The following LIMS1 variants were observed in gnomAD, a reference collection of about 807,000 sequenced individuals.
LIMS1 encodes the protein LIM and senescent cell antigen-like-containing domain protein 1.
A neutral mutation model predicts 44.1 loss-of-function variants in LIMS1; 18 were observed. That is an observed-to-expected ratio of 0.41 (90% CI 0.28 to 0.61). The LOEUF (loss-of-function observed/expected upper bound fraction) is 0.61, where lower values mean the gene tolerates loss of function less well. Ranked by LOEUF, LIMS1 falls within the 20% of genes least tolerant of loss-of-function variation. The pLI is 0.32. For synonymous variants in LIMS1, 93 were observed against 149.1 expected, an observed-to-expected ratio of 0.62 and a Z score of 2.74; for missense variants, 201 against 422.0, an observed-to-expected ratio of 0.48 and a Z score of 4.59.
chr2:108,545,206 C>A (rs915011355), intron 1 of LIMS1, among the ~76,000 whole-genome samples: 3 of 152,048 alleles, frequency 2.0e-5, no homozygotes, highest in African/African-American at 7.2e-5. Context: ...AATTTCCTGC[C>A]ATCTGGATTT....
intron 1 of LIMS1, among the ~76,000 whole-genome samples, chr2:108,564,746 C>T (rs562392178): frequency 4.0e-5 from 6 of 151,214 alleles, no homozygotes; most frequent in East Asian, 1.9e-4. Context: ...ATGGAAGGTA[C>T]GTAAGATTGC....
At chr2:108,687,082 C>T (rs1693350573) in exon 10 of LIMS1, 1 of 152,122 alleles carries the variant, frequency 6.6e-6, no homozygotes, top group Admixed American at 6.5e-5. Flanking sequence ...GCCAAAGTAG[C>T]CATTTCTAAG....
rs1692942208 is a variant in LIMS1, at chr2:108,680,832, A to G, written c.899+62A>G. 1.9e-6 allele frequency: 3 copies of G among 1,589,044 alleles called. No individual in the cohort carries two copies. In the East Asian group the frequency reaches 6.7e-5, roughly 36 times the overall value. On this transcript the variant is annotated intron_variant, in intron 9 of 9. Transcript: ENST00000544547. ...CTGAAAACTTTGGGGAGACACTTAA[A>G]AAAAATCCTAGAATTTAGAAAAAGA...
At chr2:108,534,636 AGCTCCCGGCGGGCCTTCGGGCCGGGCC>A (rs1317725989) in intron 1 of LIMS1, 42 bp downstream of exon 1, 3 of 1,076,698 alleles carry the variant, frequency 2.8e-6, no homozygotes, top group Non-Finnish European at 3.4e-6. Flanking sequence ...TCCGCCCCGC[AGCTCCCGGCGGGCCTTCGGGCCGGGCC>A]GGGCCGGGCC....
At chr2:108,575,936 G>T (rs1414295017) in intron 1 of LIMS1, among the ~76,000 whole-genome samples, 2 of 152,084 alleles carry the variant, frequency 1.3e-5, no homozygotes, top group Non-Finnish European at 2.9e-5. Context: ...ATATTAATAG[G>T]CACGTGTGCT....
intron 1 of LIMS1, among the ~76,000 whole-genome samples, chr2:108,581,569 C>A (rs1261268474): frequency 6.6e-6 from 1 of 152,036 alleles, no homozygotes. Context: ...TCAGAAAGGC[C>A]CCCAGAGCTT....
In LIMS1 at chr2:108,678,135, A is replaced by G. The variant is rs189807540; in HGVS notation, c.823+108A>G. Reference sequence around the variant, plus strand: ...TATGGTTTGAAATGTGATCGTTATCAGTTACTTTTTCTCTATCTTTGGCGT... The same window carrying G: ...TATGGTTTGAAATGTGATCGTTATCGGTTACTTTTTCTCTATCTTTGGCGT... On this transcript the variant is annotated intron_variant, in intron 8 of 9. Transcript: ENST00000544547. 58 of 1,517,874 alleles carry G rather than the reference A, an allele frequency of 3.8e-5. No individual in the cohort carries two copies. In the East Asian group the frequency reaches 1.1e-3, roughly 30 times the overall value. The allele number at this position is 1,517,874 out of a possible 1,614,324, so 94.0% of individuals were successfully genotyped here.
chr2:108,557,821 T>A (rs1361448620), intron 1 of LIMS1, among the ~76,000 whole-genome samples: 2 of 152,226 alleles, frequency 1.3e-5, no homozygotes, highest in African/African-American at 4.8e-5. Flanking sequence ...CAGTTGGAAT[T>A]TTCTGTAAAG....
chr2:108,675,680 A>G (rs531401237), intron 5 of LIMS1, among the ~76,000 whole-genome samples, 198 bp from the exon 6 acceptor site: 1 of 152,342 alleles, frequency 6.6e-6, no homozygotes, highest in East Asian at 1.9e-4. Flanking sequence ...CTTTTAAGAT[A>G]CAGATGTTTT....
chr2:108,663,449 G>A (rs1054935691), intron 2 of LIMS1, among the ~76,000 whole-genome samples: 1 of 152,160 alleles, frequency 6.6e-6, no homozygotes, highest in Non-Finnish European at 1.5e-5. Flanking sequence ...GTGACATCCA[G>A]CATTATCTCC....
chr2:108,597,693 C>T (rs1354896941), intron 1 of LIMS1, among the ~76,000 whole-genome samples: 13 of 108,510 alleles, frequency 1.2e-4, no homozygotes, highest in South Asian at 3.4e-4. Context: ...AGCAAAAATG[C>T]TTTTTTTTTT....
intron 1 of LIMS1, among the ~76,000 whole-genome samples, chr2:108,648,345 G>T (rs1209731865): frequency 6.6e-6 from 1 of 152,164 alleles, no homozygotes; most frequent in Non-Finnish European, 1.5e-5. Context: ...AATATTCCAT[G>T]CTCATGGATA....
chr2:108,683,909 G>C (rs1245735040), exon 10 of LIMS1: 2 of 1,590,680 alleles, frequency 1.3e-6, no homozygotes, highest in Non-Finnish European at 1.7e-6. Context: ...AGTTTGACAT[G>C]AAGCCAGTCT....
chr2:108,549,453 C>A (rs1684612018), intron 1 of LIMS1, among the ~76,000 whole-genome samples: 1 of 151,510 alleles, frequency 6.6e-6, no homozygotes. Context: ...TACCACCATG[C>A]CCAGCTAATT....
In LIMS1 at chr2:108,650,549, C is replaced by T. The variant is rs190015709; in HGVS notation, c.33-9056C>T. The stretch of plus-strand genomic sequence containing the variant: ...TCTCCTGCCTCAGCCTCCTGAGCAG[C>T]TGGGATTACACGTGCCCACCACCAC... On this transcript the variant is annotated intron_variant, in intron 1 of 9. Transcript: ENST00000544547. Among the ~76,000 whole-genome samples, 223 of 152,244 alleles carry T rather than the reference C, an allele frequency of 1.5e-3. 1 individual carries two copies. Among genetic ancestry groups the T allele is most frequent in the Admixed American group, 4.1e-3 (63 of 15,290 alleles).
chr2:108,672,215 G>A lies in LIMS1; in HGVS notation c.260-110G>A, dbSNP rs866787330. The A allele has an allele frequency of 3.1e-5, 34 of 1,097,314 alleles. 2 individuals are homozygous for A. The highest frequency in any genetic ancestry group is 1.5e-4 in the East Asian group (3 of 19,380). 68.0% of individuals were successfully genotyped at this position (1,097,314 alleles called of 1,614,324 possible). A position where few individuals can be genotyped will look rare whatever the true frequency, so the allele number is the denominator to read the frequency against. ...TTCCTCTATTGAGAAAGGCTTCAAC[G>A]GTTTTTTTCCTCATTGTTTTTCCTT... On this transcript the variant is annotated intron_variant, in intron 3 of 9. Transcript: ENST00000544547.
At chr2:108,616,409 C>T (rs1370859637) in intron 1 of LIMS1, among the ~76,000 whole-genome samples, 1 of 152,082 alleles carries the variant, frequency 6.6e-6, no homozygotes, top group Admixed American at 6.5e-5. Context: ...TAAGGTCTCA[C>T]TGTGTTGCCC....
chr2:108,594,393 C>T (rs1468672620), intron 1 of LIMS1, among the ~76,000 whole-genome samples: 1 of 152,182 alleles, frequency 6.6e-6, no homozygotes, highest in Non-Finnish European at 1.5e-5. Flanking sequence ...TTTAGTGTTG[C>T]TGAACGCTTA....
chr2:108,633,361 A>C (rs1236083859), intron 1 of LIMS1, among the ~76,000 whole-genome samples: 1 of 152,210 alleles, frequency 6.6e-6, no homozygotes, highest in African/African-American at 2.4e-5. Context: ...AAATAGGCTT[A>C]AATTATTGAC....
Sources: allele counts gnomAD v4.1 joint callset (sites outside exome capture counted in the v4.1 genomes callset), GRCh38; gene constraint gnomAD v4.1.1; transcripts MANE v1.5; gene names NCBI Gene and HGNC (gene_info 2026-07-23, HGNC 2026-07-21).